Variants in EPB41L2 observed in about 807,000 individuals in gnomAD.
EPB41L2 encodes erythrocyte membrane protein band 4.1 like 2.
In EPB41L2, 43 loss-of-function variants were observed where a neutral mutation model predicts 113.0. That is an observed-to-expected ratio of 0.38 (90% CI 0.30 to 0.49). The LOEUF (loss-of-function observed/expected upper bound fraction) is 0.49, where lower values mean the gene tolerates loss of function less well. EPB41L2 is among the 20% of genes least tolerant of loss of function. EPB41L2 has a pLI of 0.95. For missense variants in EPB41L2, 1,147 were observed against 1,223.4 expected (o/e 0.94, Z 0.93); for synonymous variants, 442 against 436.7 (o/e 1.01, Z -0.15).
intron 8 of EPB41L2, 77 bp from the exon 9 acceptor site, chr6:130,895,196 A>G (rs1794267569): frequency 6.8e-7 from 1 of 1,470,350 alleles, no homozygotes; most frequent in South Asian, 1.4e-5. Context: ...TAGCTCCCTC[A>G]AATCATGATC....
intron 19 of EPB41L2, among the ~76,000 whole-genome samples, chr6:130,848,682 A>T (rs1171390176): frequency 1.3e-5 from 2 of 152,322 alleles, no homozygotes; most frequent in African/African-American, 4.8e-5. Flanking sequence ...AGAAAGCATC[A>T]ATATGTCCTT....
At chr6:130,876,627 G>T in intron 14 of EPB41L2, 1 of 1,151,874 alleles carries the variant, frequency 8.7e-7, no homozygotes, top group South Asian at 1.4e-5. Flanking sequence ...GAAACAAAAG[G>T]AAAGGGGGAA....
At chr6:130,955,792 T>C (rs1817241619) in intron 2 of EPB41L2, among the ~76,000 whole-genome samples, 1 of 152,142 alleles carries the variant, frequency 6.6e-6, no homozygotes, top group Admixed American at 6.5e-5. Context: ...TTTTTAGTAA[T>C]TGGTATATAT....
intron 2 of EPB41L2, 108 bp from the exon 3 acceptor site, chr6:130,955,425 T>G: frequency 3.8e-6 from 4 of 1,058,652 alleles, no homozygotes; most frequent in Non-Finnish European, 5.5e-6. Context: ...CTTTAAACAC[T>G]GTAACTTTCA....
rs1795694624 is a variant in EPB41L2, at chr6:130,899,512, A to C, written c.1215T>G (p.Gly405=). Residue 405 remains glycine, a synonymous_variant, in exon 8 of 20, where the codon GGT becomes GGG. Coordinates refer to ENST00000337057, the MANE Select transcript of EPB41L2 (RefSeq NM_001431.4). ...LENAKRLSMY[G]VDLHHAKDSE... ...GTACCTTGGCATGATGTAGGTCAAC[A>C]CCATACATGGAAAGCCTCTTTGCAT... is the stretch of plus-strand genomic sequence containing the variant. 1 of 1,613,758 alleles carries C rather than the reference A, an allele frequency of 6.2e-7. No individual in the cohort carries two copies. The highest frequency in any genetic ancestry group is 1.7e-5 in the Admixed American group (1 of 60,004).
intron 19 of EPB41L2, among the ~76,000 whole-genome samples, chr6:130,854,065 T>C (rs1215758819): frequency 6.6e-6 from 1 of 152,260 alleles, no homozygotes; most frequent in Non-Finnish European, 1.5e-5. Context: ...GATTTTAAAC[T>C]CAAACTTCGT....
intron 1 of EPB41L2, among the ~76,000 whole-genome samples, chr6:131,057,524 T>C (rs1195032033): frequency 6.6e-6 from 1 of 152,138 alleles, no homozygotes; most frequent in Non-Finnish European, 1.5e-5. Flanking sequence ...CAGTAGAATG[T>C]AGGAAACTCT....
chr6:130,998,897 C>T (rs1488561804), intron 1 of EPB41L2, among the ~76,000 whole-genome samples: 1 of 152,012 alleles, frequency 6.6e-6, no homozygotes, highest in Non-Finnish European at 1.5e-5. Flanking sequence ...GAAAGCAAAC[C>T]CAGAAAGCAA....
intron 12 of EPB41L2, among the ~76,000 whole-genome samples, chr6:130,884,650 C>A (rs1790360085): frequency 6.6e-6 from 1 of 152,186 alleles, no homozygotes; most frequent in Admixed American, 6.5e-5. Context: ...AAACAATTAC[C>A]TTTTCTTGAG....
chr6:130,853,592 G>T (rs546378532), intron 19 of EPB41L2, among the ~76,000 whole-genome samples: 2 of 152,134 alleles, frequency 1.3e-5, no homozygotes, highest in Non-Finnish European at 2.9e-5. Flanking sequence ...TTTGCATTTA[G>T]CTCCTCTCTG....
At chr6:131,003,289 A>G (rs1048822827) in intron 1 of EPB41L2, among the ~76,000 whole-genome samples, 6 of 152,254 alleles carry the variant, frequency 3.9e-5, no homozygotes, top group Non-Finnish European at 8.8e-5. Context: ...TGTAGCATAC[A>G]AAGATAAAAA....
At chr6:130,904,087 A>C (rs533534900) in intron 6 of EPB41L2, among the ~76,000 whole-genome samples, 1 of 152,204 alleles carries the variant, frequency 6.6e-6, no homozygotes, top group Admixed American at 6.5e-5. Flanking sequence ...TGCTAACCTC[A>C]TATCATCTTT....
intron 1 of EPB41L2, among the ~76,000 whole-genome samples, chr6:130,958,467 A>AC (rs1562592203): frequency 4.8e-5 from 4 of 84,038 alleles, no homozygotes; most frequent in Non-Finnish European, 1.0e-4. Context: ...AACAACAACA[A>AC]CAAAAAAAAA....
In EPB41L2 at chr6:130,864,066, T is replaced by G. The variant is rs116114005; in HGVS notation, c.2830-348A>C. ...TAGTTCCTTTAAGGGAATTCTGTTA[T>G]AGTTTCCCGAGTTTCTTTACTCCTA... is the stretch of plus-strand genomic sequence containing the variant. On this transcript the variant is annotated intron_variant, in intron 17 of 19. Coordinates refer to ENST00000337057, the MANE Select transcript of EPB41L2 (RefSeq NM_001431.4). Among the ~76,000 whole-genome samples, 1,135 of 152,340 alleles carry G rather than the reference T, an allele frequency of 7.5e-3. 16 individuals carry two copies. Among genetic ancestry groups the G allele is most frequent in the African/African-American group, 0.025 (1,048 of 41,570 alleles).
chr6:130,959,758 T>C (rs1017307895), intron 1 of EPB41L2, among the ~76,000 whole-genome samples: 8 of 152,326 alleles, frequency 5.3e-5, no homozygotes, highest in African/African-American at 1.9e-4. Context: ...AGTGTATTTC[T>C]AGTATATGCT....
At chr6:131,024,187 A>G (rs1481131687) in intron 1 of EPB41L2, among the ~76,000 whole-genome samples, 1 of 152,150 alleles carries the variant, frequency 6.6e-6, no homozygotes, top group East Asian at 1.9e-4. Context: ...AACTCTGAAG[A>G]TCAGCAGAAG....
At chr6:131,029,070 G>A (rs1301245069) in intron 1 of EPB41L2, among the ~76,000 whole-genome samples, 1 of 152,096 alleles carries the variant, frequency 6.6e-6, no homozygotes, top group Non-Finnish European at 1.5e-5. Flanking sequence ...AATAGCAAAC[G>A]TTTCAACCTT....
intron 4 of EPB41L2, among the ~76,000 whole-genome samples, chr6:130,913,799 T>C (rs2128521969): frequency 6.6e-6 from 1 of 152,254 alleles, no homozygotes; most frequent in South Asian, 2.1e-4. Flanking sequence ...ACAAAACTTT[T>C]AAATAAATAC....
intron 4 of EPB41L2, among the ~76,000 whole-genome samples, chr6:130,921,523 C>T (rs530543902): frequency 7.2e-5 from 11 of 152,260 alleles, no homozygotes; most frequent in East Asian, 1.9e-4. Flanking sequence ...TCCAGCCCTC[C>T]GGACAAACTT....
Sources: allele counts gnomAD v4.1 joint callset (sites outside exome capture counted in the v4.1 genomes callset), GRCh38; gene constraint gnomAD v4.1.1; transcripts MANE v1.5; gene names NCBI Gene and HGNC (gene_info 2026-07-23, HGNC 2026-07-21).